CPAMD8: variants seen among roughly 807,000 people sequenced by gnomAD.
The protein encoded by CPAMD8 is C3 and PZP-like alpha-2-macroglobulin domain-containing protein 8.
A neutral mutation model predicts 224.7 loss-of-function variants in CPAMD8; 146 were observed. The observed-to-expected ratio is 0.65, with a 90% CI of 0.57 to 0.75. The LOEUF is 0.75. Ranked by LOEUF, CPAMD8 falls within the 30% of genes least tolerant of loss-of-function variation. CPAMD8 has a pLI of 0.00. For missense variants in CPAMD8, 2,301 were observed against 2,537.5 expected (o/e 0.91, Z 2.00); for synonymous variants, 966 against 1,044.6 (o/e 0.92, Z 1.45).
In CPAMD8 at chr19:16,929,061, T is replaced by C; in HGVS notation, c.3025A>G (p.Arg1009Gly). 1 of 1,614,018 alleles carries C rather than the reference T, an allele frequency of 6.2e-7. No homozygotes were observed. Among genetic ancestry groups the C allele is most frequent in the Non-Finnish European group, 8.5e-7 (1 of 1,179,894 alleles). ...EIVLGGHQNTRSWISTSKMGE... is the reference protein window; with the variant it reads ...EIVLGGHQNTGSWISTSKMGE... ...ATCTTGCTGGTGGAGATCCATGACC[T>C]GGTGTTCTGATGCCCCCCCAGGACG... Residue 1009 changes from arginine to glycine, a missense_variant, in exon 24 of 42, where the codon AGG (arginine) becomes GGG (glycine). This residue lies in a region of CPAMD8 where 1,709 missense variants were observed against 1,753.2 expected (regional missense o/e 0.97). Coordinates refer to ENST00000443236, the MANE Select transcript of CPAMD8 (RefSeq NM_015692.5).
In CPAMD8 at chr19:16,899,507, C is replaced by G; in HGVS notation, c.4816G>C (p.Ala1606Pro). The change falls in exon 37 of 42, where the codon GCT becomes CCT. Residue 1606 changes from alanine (A) to proline (P), a missense_variant. Physicochemically the swap from Ala to Pro is conservative, Grantham distance 27. Coordinates refer to ENST00000443236, the MANE Select transcript of CPAMD8 (RefSeq NM_015692.5). This position sits in a 1 kb window ranked among gnomAD's most constrained non-coding sequence, Gnocchi z 5.4. ...KHMGMKRYEV[A>P]GRRVLFYFDE... Reference sequence around the variant, plus strand: ...AAGTAGAAGAGCACTCGGCGTCCAGCCACTTCATACCTCTTCATCCCCATG... The same window carrying G: ...AAGTAGAAGAGCACTCGGCGTCCAGGCACTTCATACCTCTTCATCCCCATG... 1.3e-6 allele frequency: 2 copies of G among 1,580,214 alleles called. No individual in the cohort carries two copies. The highest frequency in any genetic ancestry group is 1.7e-6 in the Non-Finnish European group (2 of 1,149,502).
chr19:16,894,533 C>T (rs1420122204), intron 41 of CPAMD8: 4 of 450,246 alleles, frequency 8.9e-6, no homozygotes, highest in Admixed American at 7.1e-5. Flanking sequence ...GGGGCTCAGG[C>T]CAGCTGCCAC....
chr19:17,005,019 G>T (rs923359723), intron 7 of CPAMD8, among the ~76,000 whole-genome samples: 1 of 151,654 alleles, frequency 6.6e-6, no homozygotes, highest in African/African-American at 2.4e-5. Flanking sequence ...TGCCAGGATA[G>T]GGTTTCTCAG....
In CPAMD8 at chr19:16,929,132, A is replaced by G; in HGVS notation, c.2954T>C (p.Val985Ala). 6.2e-7 allele frequency: 1 copy of G among 1,614,144 alleles called. No homozygotes were observed. Among genetic ancestry groups the G allele is most frequent in the African/African-American group, 1.3e-5 (1 of 75,064 alleles). The change falls in exon 24 of 42, where the codon GTG (valine) becomes GCG (alanine). Residue 985 changes from valine (V) to alanine (A), a missense_variant. Val to Ala is a moderately conservative substitution (Grantham distance 64). Transcript: ENST00000443236. Reference sequence around the variant, plus strand: ...GTCCTGGGGCCCAGAAGACAAGGCCACACGGGCATCATTGTGAGCTCGCAC... The same window carrying G: ...GTCCTGGGGCCCAGAAGACAAGGCCGCACGGGCATCATTGTGAGCTCGCAC... The part of the protein sequence containing the change: ...VAVRAHNDAR[V>A]ALSSGPQDTA...
chr19:16,945,776 CATGT>C (rs2054053392), intron 21 of CPAMD8, 97 bp from the exon 22 acceptor site: 11 of 1,108,908 alleles, frequency 9.9e-6, no homozygotes, highest in East Asian at 4.8e-5. Context: ...TGCATGCATG[CATGT>C]GTGTGTGTGT....
At chr19:16,893,378 A>G in intron 41 of CPAMD8, 39 bp from the exon 42 acceptor site, 1 of 1,384,354 alleles carries the variant, frequency 7.2e-7, no homozygotes, top group Non-Finnish European at 9.8e-7. Flanking sequence ...CCTCTACAGC[A>G]AGTGGGCACG....
intron 40 of CPAMD8, 26 bp from the exon 41 acceptor site, chr19:16,896,352 G>A: frequency 6.3e-7 from 1 of 1,578,986 alleles, no homozygotes; most frequent in East Asian, 2.3e-5. Flanking sequence ...CCTCGGTCGG[G>A]AGGGCGTGGC....
At chr19:16,989,496 A>T in intron 13 of CPAMD8, 147 bp downstream of exon 13, 1 of 918,682 alleles carries the variant, frequency 1.1e-6, no homozygotes, top group Non-Finnish European at 1.6e-6. Flanking sequence ...CATGCTGGCC[A>T]GGCTGGTCTC....
At chr19:16,905,581 A>AAG (rs2052445386) in intron 30 of CPAMD8, among the ~76,000 whole-genome samples, 1 of 150,570 alleles carries the variant, frequency 6.6e-6, no homozygotes, top group Non-Finnish European at 1.5e-5. Flanking sequence ...AAAAAAAAAA[A>AAG]AAAAAGAAAA....
Position 16,897,780 on chromosome 19 carries a change from T to C in CPAMD8, c.4976A>G (p.Tyr1659Cys). 1.9e-6 allele frequency: 3 copies of C among 1,586,144 alleles called. No individual in the cohort carries two copies. Among genetic ancestry groups the C allele is most frequent in the Non-Finnish European group, 2.6e-6 (3 of 1,167,900 alleles). Residue 1659 changes from tyrosine (Y) to cysteine (C), a missense_variant, in exon 39 of 42, where the codon TAC becomes TGC. Tyr to Cys is a radical substitution (Grantham distance 194). This residue lies in a region of CPAMD8 where 1,709 missense variants were observed against 1,753.2 expected (regional missense o/e 0.97). Coordinates refer to ENST00000443236, the MANE Select transcript of CPAMD8 (RefSeq NM_015692.5). Reference protein sequence around the residue: ...YEPAFEATRFYNVSTHSPLAR... With the variant: ...YEPAFEATRFCNVSTHSPLAR... The stretch of plus-strand genomic sequence containing the variant: ...GAGTGGGCTGTGGGTGCTGACGTTG[T>C]AGAAGCGAGTGGCCTCGAAGGCTAC...
rs145630539 is a variant in CPAMD8, at chr19:16,990,612, C to A, written c.1267-841G>T. Among the ~76,000 whole-genome samples the A allele has an allele frequency of 8.8e-3, 1,343 of 152,048 alleles. 30 individuals are homozygous for A. The highest frequency in any genetic ancestry group is 0.031 in the African/African-American group (1,290 of 41,470). ...AGGCGCGATGGCTCACGCCTGTAAT[C>A]CCACCACTTTGGGAGGCCAAGGTGG... is the stretch of plus-strand genomic sequence containing the variant. On this transcript the variant is annotated intron_variant, in intron 12 of 41. Coordinates refer to ENST00000443236, the MANE Select transcript of CPAMD8 (RefSeq NM_015692.5).
chr19:16,906,387 T>TTCCTTCCTTCC (rs1568459588), intron 30 of CPAMD8, among the ~76,000 whole-genome samples: 1 of 78,120 alleles, frequency 1.3e-5, no homozygotes, highest in African/African-American at 3.6e-5. Flanking sequence ...TCTTTCTTTC[T>TTCCTTCCTTCC]TTCTTTCTTT....
At position 16,994,620 on chromosome 19, in the gene CPAMD8, G is replaced by A. The variant is rs556928275; in HGVS notation, c.1096-1034C>T. ...ACTGCTGCCTCTACCTCCTGGGCTC[G>A]CAATCCTCCTGCCTCATCCTCCTGA... is the stretch of plus-strand genomic sequence containing the variant. On this transcript the variant is annotated intron_variant, in intron 11 of 41. Coordinates refer to ENST00000443236, the MANE Select transcript of CPAMD8 (RefSeq NM_015692.5). 9.6e-5 allele frequency among the ~76,000 whole-genome samples: 14 copies of A among 145,518 alleles called. No individual in the cohort carries two copies. In the East Asian group the frequency reaches 1.9e-3, roughly 19 times the overall value.
intron 27 of CPAMD8, among the ~76,000 whole-genome samples, chr19:16,919,270 A>C (rs182462629): frequency 6.6e-6 from 1 of 152,234 alleles, no homozygotes; most frequent in African/African-American, 2.4e-5. Flanking sequence ...TGTAAGACCA[A>C]GTAACAAAAG....
At chr19:16,949,315 G>A (rs2054226384) in intron 20 of CPAMD8, among the ~76,000 whole-genome samples, 1 of 152,062 alleles carries the variant, frequency 6.6e-6, no homozygotes, top group African/African-American at 2.4e-5. Flanking sequence ...GGACATCTGG[G>A]GATTCTGCTC....
chr19:16,957,804 T>C (rs2122466391), intron 19 of CPAMD8, 49 bp downstream of exon 19: 1 of 1,576,346 alleles, frequency 6.3e-7, no homozygotes, highest in Non-Finnish European at 8.7e-7. Flanking sequence ...CGCATGAGTG[T>C]CTTTCACTCA....
intron 23 of CPAMD8, among the ~76,000 whole-genome samples, chr19:16,933,373 A>G (rs1342172199): frequency 6.6e-6 from 1 of 152,188 alleles, no homozygotes. Context: ...CAAAAGATAT[A>G]ATTAAGAGAA....
chr19:16,990,548 G>C (rs2055902904), intron 12 of CPAMD8, among the ~76,000 whole-genome samples: 1 of 152,026 alleles, frequency 6.6e-6, no homozygotes, highest in Non-Finnish European at 1.5e-5. Flanking sequence ...AACAGAGCTA[G>C]ACCGTATCTC....
intron 12 of CPAMD8, 29 bp downstream of exon 12, chr19:16,993,387 A>G (rs1307995988): frequency 6.3e-7 from 1 of 1,598,698 alleles, no homozygotes; most frequent in African/African-American, 1.3e-5. Context: ...CTGCTGGCTG[A>G]ATAACAAGGG....
Sources: gnomAD v4.1 joint callset for allele counts (sites outside exome capture counted in the v4.1 genomes callset) on GRCh38, gnomAD v4.1.1 for gene constraint, gnomAD v4.1.1 regional missense constraint, Gnocchi (gnomAD v3.1) non-coding constraint, MANE v1.5 for transcripts, NCBI Gene and HGNC (gene_info 2026-07-23, HGNC 2026-07-21) for gene names.